Variants in PTCHD4 observed in about 807,000 individuals in gnomAD.
The protein encoded by PTCHD4 is patched domain containing 4, also known as patched domain-containing protein 4.
Under a neutral mutation model 58.1 loss-of-function variants are expected in PTCHD4, and 33 were observed. The observed-to-expected ratio is 0.57, with a 90% CI of 0.43 to 0.76. PTCHD4 has a LOEUF of 0.76. Among genes scored for constraint, PTCHD4 ranks in the 30% least tolerant of loss-of-function variants. The pLI, the probability that PTCHD4 is intolerant of heterozygous loss-of-function variation, is 0.00. For synonymous variants in PTCHD4, 478 were observed against 409.6 expected (o/e 1.17, Z -2.02); for missense variants, 1,058 against 1,027.1 (o/e 1.03, Z -0.41).
intron 3 of PTCHD4, among the ~76,000 whole-genome samples, chr6:48,012,668 G>A (rs150223448): frequency 6.6e-6 from 1 of 152,160 alleles, no homozygotes; most frequent in Non-Finnish European, 1.5e-5. Flanking sequence ...CAAAGGGAAT[G>A]CTTCCAGCTT....
chr6:47,963,452 C>T (rs533998167), intron 4 of PTCHD4, among the ~76,000 whole-genome samples: 12 of 152,224 alleles, frequency 7.9e-5, no homozygotes, highest in Non-Finnish European at 1.5e-4. Flanking sequence ...AAAAATAGAA[C>T]TACTATATGA....
At chr6:47,976,368 T>C (rs1767689811) in intron 4 of PTCHD4, among the ~76,000 whole-genome samples, 1 of 152,208 alleles carries the variant, frequency 6.6e-6, no homozygotes, top group East Asian at 1.9e-4. Context: ...AAATATATAA[T>C]TACTGGCCAG....
At chr6:47,912,856 C>T (rs1274227161) in intron 4 of PTCHD4, among the ~76,000 whole-genome samples, 1 of 152,110 alleles carries the variant, frequency 6.6e-6, no homozygotes, top group East Asian at 1.9e-4. Context: ...AAATGCTGAG[C>T]AACTCCTGTT....
rs1763667964 is a variant in PTCHD4 at position 47,869,782 on chromosome 6, A to G, written c.*8521T>C. On this transcript the variant is annotated 3_prime_UTR_variant, in exon 5 of 5. Coordinates refer to ENST00000339488, the MANE Select transcript of PTCHD4 (RefSeq NM_001384253.1). ...TGATTCAATAAAATACTAAAAAAAC[A>G]TAGATTATGTTATTTTACATTGTGA... is the stretch of plus-strand genomic sequence containing the variant. 6.6e-6 allele frequency among the ~76,000 whole-genome samples: 1 copy of G among 151,688 alleles called. No homozygotes were observed. The highest frequency in any genetic ancestry group is 1.5e-5 in the Non-Finnish European group (1 of 67,752).
At chr6:47,955,904 T>C (rs1258351370) in intron 4 of PTCHD4, among the ~76,000 whole-genome samples, 1 of 152,218 alleles carries the variant, frequency 6.6e-6, no homozygotes. Flanking sequence ...TATAGAGCCA[T>C]CATTCACTTT....
intron 4 of PTCHD4, among the ~76,000 whole-genome samples, chr6:47,892,145 A>G (rs1168362199): frequency 6.6e-6 from 1 of 152,196 alleles, no homozygotes; most frequent in Non-Finnish European, 1.5e-5. Flanking sequence ...AGCCATGTGG[A>G]ACTAAAAATT....
At chr6:48,038,663 CAA>C (rs11417903) in intron 3 of PTCHD4, among the ~76,000 whole-genome samples, 35 of 120,102 alleles carry the variant, frequency 2.9e-4, no homozygotes, top group Admixed American at 1.5e-3. Flanking sequence ...AAGTCTGTCT[CAA>C]AAAAAAAAAA....
chr6:47,981,613 T>C (rs573705629), intron 4 of PTCHD4, among the ~76,000 whole-genome samples: 2 of 152,196 alleles, frequency 1.3e-5, no homozygotes, highest in Non-Finnish European at 2.9e-5. Flanking sequence ...TAATTTTGTG[T>C]GCTAGTGCCT....
At chr6:47,945,486 T>G (rs918334542) in intron 4 of PTCHD4, among the ~76,000 whole-genome samples, 50 of 152,206 alleles carry the variant, frequency 3.3e-4, no homozygotes, top group African/African-American at 1.2e-3. Context: ...CATTTTGTTT[T>G]TATAATGTTA....
intron 4 of PTCHD4, among the ~76,000 whole-genome samples, chr6:48,007,980 A>G (rs1317848460): frequency 6.6e-6 from 1 of 151,560 alleles, no homozygotes; most frequent in African/African-American, 2.4e-5. Flanking sequence ...CCTACATAGT[A>G]TTTTCTAGAC....
chr6:47,959,756 C>A lies in PTCHD4; in HGVS notation c.898+48878G>T, dbSNP rs149529472. On this transcript the variant is annotated intron_variant, in intron 4 of 4. Coordinates refer to ENST00000339488, the MANE Select transcript of PTCHD4 (RefSeq NM_001384253.1). ...AAAAGTGAGAAGATAATGGAACAAC[C>A]TCTTTAAAATATTGAAGAAAAAAAT... Among the ~76,000 whole-genome samples the A allele has an allele frequency of 2.8e-3, 420 of 151,502 alleles. 2 individuals are homozygous for A. The highest frequency in any genetic ancestry group is 9.0e-3 in the African/African-American group (374 of 41,346).
At chr6:47,919,708 G>A (rs933903580) in intron 4 of PTCHD4, among the ~76,000 whole-genome samples, 8 of 152,056 alleles carry the variant, frequency 5.3e-5, no homozygotes, top group African/African-American at 1.9e-4. Context: ...ACCATTAAAA[G>A]GCTTTAAACA....
At chr6:47,995,623 T>C (rs1768458227) in intron 4 of PTCHD4, among the ~76,000 whole-genome samples, 1 of 152,218 alleles carries the variant, frequency 6.6e-6, no homozygotes, top group Non-Finnish European at 1.5e-5. Flanking sequence ...AGACAGAAGT[T>C]CTTCCCCTGG....
Position 48,030,532 on chromosome 6 carries a change from C to G in PTCHD4, c.418-21418G>C, listed in dbSNP as rs146960740. ...GATTTTGCAAGCTGAAGCTGGATTA[C>G]TTGATATAAACTCCAAGTCAATCAC... On this transcript the variant is annotated intron_variant, in intron 3 of 4. Coordinates refer to ENST00000339488, the MANE Select transcript of PTCHD4 (RefSeq NM_001384253.1). 4.6e-5 allele frequency among the ~76,000 whole-genome samples: 7 copies of G among 152,208 alleles called. No homozygotes were observed. The East Asian group carries it at 1.4e-3, about 30-fold the overall frequency.
At chr6:47,979,632 A>AAATC (rs1767807980) in intron 4 of PTCHD4, among the ~76,000 whole-genome samples, 1 of 152,090 alleles carries the variant, frequency 6.6e-6, no homozygotes, top group African/African-American at 2.4e-5. Context: ...GCAAGCAAAC[A>AAATC]AATCATGTTA....
chr6:47,980,293 T>C (rs1173278927), intron 4 of PTCHD4, among the ~76,000 whole-genome samples: 2 of 152,116 alleles, frequency 1.3e-5, no homozygotes, highest in Non-Finnish European at 2.9e-5. Context: ...TATTCATTTG[T>C]TTATATGCTA....
At chr6:48,015,104 T>C (rs1298629684) in intron 3 of PTCHD4, among the ~76,000 whole-genome samples, 3 of 150,598 alleles carry the variant, frequency 2.0e-5, no homozygotes, top group Non-Finnish European at 4.4e-5. Context: ...AAATCACCTT[T>C]ATGTCCCAAT....
At chr6:47,924,309 T>C (rs897430026) in intron 4 of PTCHD4, among the ~76,000 whole-genome samples, 5 of 151,964 alleles carry the variant, frequency 3.3e-5, no homozygotes, top group Non-Finnish European at 7.4e-5. Flanking sequence ...AGAGTGAACA[T>C]GAAGGAGGAG....
intron 4 of PTCHD4, among the ~76,000 whole-genome samples, chr6:47,965,119 A>T (rs1767235878): frequency 6.6e-6 from 1 of 152,146 alleles, no homozygotes; most frequent in African/African-American, 2.4e-5. Context: ...CATTCTGTGC[A>T]TTTTTAATTG....
Sources: allele counts gnomAD v4.1 joint callset (sites outside exome capture counted in the v4.1 genomes callset), GRCh38; gene constraint gnomAD v4.1.1; transcripts MANE v1.5; gene names NCBI Gene and HGNC (gene_info 2026-07-23, HGNC 2026-07-21).